Variants in DGLUCY observed in about 807,000 individuals in gnomAD.
The protein encoded by DGLUCY is D-glutamate cyclase, mitochondrial.
In DGLUCY, 58 loss-of-function variants were observed where a neutral mutation model predicts 58.5. That is an observed-to-expected ratio of 0.99 (90% CI 0.80 to 1.23). The LOEUF (loss-of-function observed/expected upper bound fraction) is 1.23, where lower values mean the gene tolerates loss of function less well. DGLUCY is among the 50% of genes most tolerant of loss of function. The probability of loss-of-function intolerance (pLI) is 0.00; values close to 1 mark genes in which losing one functional copy is unlikely to be tolerated. For synonymous variants in DGLUCY, 325 were observed against 314.1 expected (o/e 1.03, Z -0.37); for missense variants, 779 against 784.7 (o/e 0.99, Z 0.09).
chr14:91,072,931 C>A (rs1014273240), intron 1 of DGLUCY, among the ~76,000 whole-genome samples: 3 of 152,032 alleles, frequency 2.0e-5, no homozygotes, highest in African/African-American at 7.3e-5. Flanking sequence ...ATGGCATGAA[C>A]CCGGCAGGCA....
chr14:91,070,014 G>GA (rs898433920), intron 1 of DGLUCY, among the ~76,000 whole-genome samples: 5 of 150,098 alleles, frequency 3.3e-5, no homozygotes, highest in African/African-American at 7.3e-5. Flanking sequence ...TTAATTTAAA[G>GA]AAAAAAAATC....
upstream of DGLUCY, among the ~76,000 whole-genome samples, chr14:91,103,015 G>A (rs2044520425): frequency 1.3e-5 from 2 of 151,988 alleles, no homozygotes; most frequent in African/African-American, 2.4e-5. Flanking sequence ...GCCTGTCTCA[G>A]CCTCCCAATG....
At chr14:91,117,397 T>G (rs919850403) in intron 1 of DGLUCY, among the ~76,000 whole-genome samples, 1 of 152,188 alleles carries the variant, frequency 6.6e-6, no homozygotes, top group Non-Finnish European at 1.5e-5. Context: ...AGTCTCAGCC[T>G]TATTTTACCC....
intron 1 of DGLUCY, among the ~76,000 whole-genome samples, chr14:91,092,330 AG>A (rs1401809194): frequency 4.6e-5 from 7 of 152,198 alleles, no homozygotes; most frequent in Non-Finnish European, 1.0e-4. Flanking sequence ...CCAAACTTGT[AG>A]TAGGTGTTCA....
At chr14:91,139,286 G>A (rs751286979) in intron 1 of DGLUCY, among the ~76,000 whole-genome samples, 3 of 152,122 alleles carry the variant, frequency 2.0e-5, no homozygotes, top group South Asian at 2.1e-4. Context: ...CGAGTCCTCC[G>A]TAGACTGCAT....
chr14:91,147,066 C>T (rs1157217135), intron 1 of DGLUCY, among the ~76,000 whole-genome samples: 1 of 152,164 alleles, frequency 6.6e-6, no homozygotes, highest in African/African-American at 2.4e-5. Context: ...GGTGCATCCT[C>T]CTCCTGGAGC....
intron 9 of DGLUCY, among the ~76,000 whole-genome samples, chr14:91,195,605 T>C (rs566874047): frequency 6.6e-6 from 1 of 151,878 alleles, no homozygotes; most frequent in Admixed American, 6.6e-5. Context: ...CCAAGTTGTT[T>C]GGCATCTCTG....
At chr14:91,125,939 CAA>C (rs1380625032) in intron 1 of DGLUCY, among the ~76,000 whole-genome samples, 3 of 152,124 alleles carry the variant, frequency 2.0e-5, no homozygotes, top group Admixed American at 6.5e-5. Flanking sequence ...CTCTAAAAAA[CAA>C]AACAAAACAA....
Position 91,131,901 on chromosome 14 carries a change from C to T in DGLUCY, c.-82+17618C>T, listed in dbSNP as rs184773407. ...AACCTCTGCCTGGGTTCAAGTAATTCTCTTGCATCAGCCTCCCAAGTAGCT... is the reference window on the plus strand; with the variant it reads ...AACCTCTGCCTGGGTTCAAGTAATTTTCTTGCATCAGCCTCCCAAGTAGCT... On this transcript the variant is annotated intron_variant, in intron 1 of 13. Transcript: ENST00000256324. Among the ~76,000 whole-genome samples the T allele has an allele frequency of 9.8e-5, 15 of 152,290 alleles. No individual in the cohort carries two copies. The East Asian group carries it at 2.9e-3, about 29-fold the overall frequency.
intron 1 of DGLUCY, among the ~76,000 whole-genome samples, chr14:91,123,195 T>C (rs2045486576): frequency 6.6e-6 from 1 of 152,170 alleles, no homozygotes; most frequent in African/African-American, 2.4e-5. Flanking sequence ...CAATCCATTT[T>C]TATAGGTCTA....
chr14:91,084,016 G>T (rs896547028), intron 1 of DGLUCY, among the ~76,000 whole-genome samples: 3 of 152,078 alleles, frequency 2.0e-5, no homozygotes, highest in Non-Finnish European at 4.4e-5. Context: ...TTGGGAAGTA[G>T]GGAGTTTCTC....
In DGLUCY at chr14:91,144,627, T is replaced by C. The variant is rs554583568; in HGVS notation, c.-81-13012T>C. On this transcript the variant is annotated intron_variant, in intron 1 of 13. Transcript: ENST00000256324. ...TAGATCTCAGGAATCCATCCCTGCC[T>C]GCCAGGGGGATGGAATGAGCTGACT... Among the ~76,000 whole-genome samples the C allele has an allele frequency of 1.4e-4, 21 of 152,260 alleles. No homozygotes were observed. In the South Asian group the frequency reaches 3.9e-3, roughly 29 times the overall value.
At chr14:91,180,306 T>A (rs2049098709) in intron 7 of DGLUCY, among the ~76,000 whole-genome samples, 1 of 151,780 alleles carries the variant, frequency 6.6e-6, no homozygotes, top group Non-Finnish European at 1.5e-5. Context: ...GCGTGGTGGC[T>A]CACACCTGTA....
upstream of DGLUCY, among the ~76,000 whole-genome samples, chr14:91,106,706 C>CAAAA (rs35463102): frequency 7.2e-6 from 1 of 139,112 alleles, no homozygotes; most frequent in Non-Finnish European, 1.5e-5. Flanking sequence ...GACTCTGTCT[C>CAAAA]AAAAAAAAAA....
At chr14:91,202,058 A>AAAAAATAATAATAATAATAAT (rs1555405476) in intron 11 of DGLUCY, among the ~76,000 whole-genome samples, 2 of 142,576 alleles carry the variant, frequency 1.4e-5, no homozygotes, top group South Asian at 2.2e-4. Flanking sequence ...TCTGTCTCAA[A>AAAAAATAATAATAATAATAAT]AATAATAATA....
At chr14:91,066,953 C>T (rs1426381401) in intron 1 of DGLUCY, among the ~76,000 whole-genome samples, 11 of 151,018 alleles carry the variant, frequency 7.3e-5, no homozygotes, top group African/African-American at 2.4e-4. Flanking sequence ...TGGTGGCGGG[C>T]GCCAGTAGTC....
At chr14:91,176,987 GTCTT>G (rs564525014) in intron 7 of DGLUCY, among the ~76,000 whole-genome samples, 7 of 149,900 alleles carry the variant, frequency 4.7e-5, no homozygotes, top group South Asian at 2.1e-4. Flanking sequence ...TTCTTGTCTT[GTCTT>G]TCTTTCTTTC....
intron 1 of DGLUCY, among the ~76,000 whole-genome samples, chr14:91,133,096 C>G (rs1179935276): frequency 6.6e-6 from 1 of 151,932 alleles, no homozygotes; most frequent in Non-Finnish European, 1.5e-5. Flanking sequence ...GAGTTTGAGA[C>G]CAGCCTGGCC....
intron 12 of DGLUCY, among the ~76,000 whole-genome samples, chr14:91,207,687 A>G (rs958973724): frequency 2.6e-5 from 4 of 152,212 alleles, no homozygotes; most frequent in Non-Finnish European, 5.9e-5. Flanking sequence ...AATTACATTC[A>G]TTTGACTTCT....
Sources: gnomAD v4.1 joint callset for allele counts (sites outside exome capture counted in the v4.1 genomes callset) on GRCh38, gnomAD v4.1.1 for gene constraint, MANE v1.5 for transcripts, NCBI Gene and HGNC (gene_info 2026-07-23, HGNC 2026-07-21) for gene names.